The following MACF1 variants were observed in gnomAD, a reference collection of about 807,000 sequenced individuals.
MACF1 encodes the protein microtubule actin crosslinking factor 1, also known as microtubule-actin cross-linking factor 1.
In MACF1, 193 loss-of-function variants were observed where a neutral mutation model predicts 854.8. The observed-to-expected ratio is 0.23, with a 90% CI of 0.20 to 0.25. The LOEUF is 0.25. MACF1 is among the 10% of genes least tolerant of loss of function. The pLI is 1.00. For synonymous variants in MACF1, 3,185 were observed against 3,226.7 expected, an observed-to-expected ratio of 0.99 and a Z score of 0.44; for missense variants, 7,722 against 8,929.1, an observed-to-expected ratio of 0.86 and a Z score of 5.45.
At chr1:39,476,343 G>A (rs2124187407) in intron 97 of MACF1, among the ~76,000 whole-genome samples, 1 of 152,228 alleles carries the variant, frequency 6.6e-6, no homozygotes, top group East Asian at 1.9e-4. Context: ...GGCCGAGGCG[G>A]GCAGATCACG....
chr1:39,298,012 T>C (rs1416845032), intron 21 of MACF1, among the ~76,000 whole-genome samples: 1 of 152,194 alleles, frequency 6.6e-6, no homozygotes, highest in Non-Finnish European at 1.5e-5. Context: ...TTTGAGCTCA[T>C]TGTACTTTCT....
At position 39,309,581 on chromosome 1, in the gene MACF1, C is replaced by T; in HGVS notation, c.2801C>T (p.Ser934Phe). The T allele has an allele frequency of 6.2e-7, 1 of 1,614,150 alleles. No individual in the cohort carries two copies. Residue 934 changes from serine to phenylalanine, a missense_variant, in exon 24 of 101, where the codon TCT becomes TTT. By Grantham distance (155) the Ser-to-Phe change is radical (BLOSUM62 -2). This residue lies in a region of MACF1 where 1,137 missense variants were observed against 1,263.0 expected (regional missense o/e 0.90). Coordinates refer to ENST00000564288, the MANE Select transcript of MACF1 (RefSeq NM_001394062.1). ...AIEMASRVEQ[S>F]YQKVMALWHQ... is the part of the protein sequence containing the mutation. ...TGTGTTATTTCTAGGGTCGAACAATCTTATCAGAAGGTTATGGCCCTTTGG... is the reference window on the plus strand; with the variant it reads ...TGTGTTATTTCTAGGGTCGAACAATTTTATCAGAAGGTTATGGCCCTTTGG...
At chr1:39,228,727 C>T (rs974217621) in intron 1 of MACF1, among the ~76,000 whole-genome samples, 2 of 152,208 alleles carry the variant, frequency 1.3e-5, no homozygotes, top group Admixed American at 6.5e-5. Flanking sequence ...GATCTCAGCT[C>T]ACTGCAACCT....
At position 39,283,370 on chromosome 1, in the gene MACF1, T is replaced by G. The variant is rs1283498309; in HGVS notation, c.809-39T>G. On this transcript the variant is annotated intron_variant, in intron 8 of 100. Coordinates refer to ENST00000564288, the MANE Select transcript of MACF1 (RefSeq NM_001394062.1). The surrounding 1 kb of genome is among the most constrained non-coding windows in gnomAD (Gnocchi z 4.5). ...GTATTCCTTCTTCTGGCAAGTTCCT[T>G]TGTTCTGACTAAGAAATTTCTTGTC... 1 of 1,586,846 alleles carries G rather than the reference T, an allele frequency of 6.3e-7. No individual in the cohort carries two copies. The highest frequency in any genetic ancestry group is 1.3e-5 in the African/African-American group (1 of 74,432).
intron 13 of MACF1, 102 bp downstream of exon 13, chr1:39,285,492 T>C (rs925713629): frequency 6.6e-7 from 1 of 1,517,636 alleles, no homozygotes; most frequent in Admixed American, 2.0e-5. Context: ...TCCAGATGTA[T>C]TATTTCCCTT....
intron 33 of MACF1, among the ~76,000 whole-genome samples, chr1:39,323,447 T>A (rs1389707089): frequency 1.3e-5 from 2 of 150,670 alleles, no homozygotes; most frequent in East Asian, 3.9e-4. Flanking sequence ...ATGTAACATA[T>A]AATTAAATTA....
At chr1:39,252,025 G>A (rs1571223659) in intron 4 of MACF1, 84 bp downstream of exon 4, 4 of 891,030 alleles carry the variant, frequency 4.5e-6, no homozygotes, top group South Asian at 7.0e-5. Context: ...TCCAGGTCTC[G>A]AAGTAGTTCA....
intron 61 of MACF1, 61 bp from the exon 62 acceptor site, chr1:39,427,394 A>G (rs1449534557): frequency 7.0e-7 from 1 of 1,423,770 alleles, no homozygotes; most frequent in Non-Finnish European, 9.8e-7. Flanking sequence ...TGAGTATAGT[A>G]CTATTACCAG....
At chr1:39,305,550 G>T (rs752971756) in intron 23 of MACF1, among the ~76,000 whole-genome samples, 44 of 152,252 alleles carry the variant, frequency 2.9e-4, no homozygotes, top group Non-Finnish European at 5.6e-4. Context: ...AGCTTTCTAT[G>T]CACACATATA....
chr1:39,389,052 T>G (rs1001323317), intron 58 of MACF1, among the ~76,000 whole-genome samples: 16 of 151,588 alleles, frequency 1.1e-4, no homozygotes, highest in Admixed American at 1.1e-3. Context: ...TTTTTTGTAT[T>G]TTTTGTAGAG....
chr1:39,322,845 T>C, intron 32 of MACF1, 65 bp from the exon 33 acceptor site: 1 of 1,540,138 alleles, frequency 6.5e-7, no homozygotes, highest in Non-Finnish European at 9.0e-7. Context: ...TTTCCTCTTA[T>C]TTTGAACTAT....
intron 20 of MACF1, among the ~76,000 whole-genome samples, chr1:39,296,802 A>AAGGAAAAGAAAG (rs1557571425): frequency 1.1e-4 from 10 of 93,288 alleles, no homozygotes; most frequent in African/African-American, 3.3e-4. Context: ...GGAAGGAAGG[A>AAGGAAAAGAAAG]AAAGAAAGAA....
chr1:39,338,248 G>A (rs1043639336), intron 38 of MACF1, among the ~76,000 whole-genome samples: 1 of 48,884 alleles, frequency 2.0e-5, no homozygotes, highest in East Asian at 4.2e-4. Flanking sequence ...CAGGAAAAAG[G>A]TTTTTTGGGT....
At position 39,331,123 on chromosome 1, in the gene MACF1, T is replaced by C. The variant is rs1234387756; in HGVS notation, c.4615-80T>C. On this transcript the variant is annotated intron_variant, in intron 36 of 100. Transcript: ENST00000564288. ...TTCTTTGAATGACTCCTTTCAATAG[T>C]TGTGCTTTGCCATTGGCTCTGATTC... 7 of 1,445,382 alleles carry C rather than the reference T, an allele frequency of 4.8e-6. No homozygotes were observed. The East Asian group carries it at 1.7e-4, about 36-fold the overall frequency. The allele number at this position is 1,445,382 out of a possible 1,614,324, so 89.5% of individuals were successfully genotyped here. A position where few individuals can be genotyped will look rare whatever the true frequency, so the allele number is the denominator to read the frequency against.
At chr1:39,364,694 G>A (rs372648545) in intron 49 of MACF1, among the ~76,000 whole-genome samples, 260 of 151,666 alleles carry the variant, frequency 1.7e-3, no homozygotes, top group African/African-American at 5.6e-3. Context: ...GGGTTTCACC[G>A]TGTTAGCCAG....
intron 58 of MACF1, chr1:39,410,161 G>A: frequency 2.5e-6 from 2 of 805,174 alleles, no homozygotes. Context: ...TGGTGGTTTG[G>A]GGTATGAACA....
At chr1:39,295,908 G>A in intron 20 of MACF1, 26 bp downstream of exon 20, 3 of 1,593,550 alleles carry the variant, frequency 1.9e-6, no homozygotes, top group Admixed American at 1.7e-5. Flanking sequence ...GTGTTTGTGT[G>A]TGTGTGTACA....
In MACF1 at chr1:39,084,398, G is replaced by C; in HGVS notation, c.180G>C (p.Ser60=). ...AGAAAAAGCGGAAAAGCCAGGATTC[G>C]GTGCTGGACCCTGCAGAGCGTGCTG... The change falls in exon 2 of 94, where the codon TCG becomes TCC. Residue 60 remains serine, a synonymous_variant. Coordinates refer to the MACF1 transcript ENST00000361689. This position sits in a 1 kb window ranked among gnomAD's most constrained non-coding sequence, Gnocchi z 5.2. 1 of 1,612,548 alleles carries C rather than the reference G, an allele frequency of 6.2e-7. No homozygotes were observed. Among genetic ancestry groups the C allele is most frequent in the Non-Finnish European group, 8.5e-7 (1 of 1,180,016 alleles).
intron 2 of MACF1, among the ~76,000 whole-genome samples, chr1:39,248,082 C>T (rs1023290529): frequency 2.0e-5 from 3 of 152,166 alleles, no homozygotes; most frequent in Non-Finnish European, 4.4e-5. Context: ...GAACCATCTT[C>T]CCCAGTTGTA....
Sources: gnomAD v4.1 joint callset for allele counts (sites outside exome capture counted in the v4.1 genomes callset) on GRCh38, gnomAD v4.1.1 for gene constraint, gnomAD v4.1.1 regional missense constraint, Gnocchi (gnomAD v3.1) non-coding constraint, MANE v1.5 for transcripts, NCBI Gene and HGNC (gene_info 2026-07-23, HGNC 2026-07-21) for gene names.